The following SLC22A3 variants were observed in gnomAD, a reference collection of about 807,000 sequenced individuals.
The protein encoded by SLC22A3 is solute carrier family 22 member 3.
Under a neutral mutation model 59.1 loss-of-function variants are expected in SLC22A3, and 51 were observed. The observed-to-expected ratio is 0.86, with a 90% CI of 0.69 to 1.09. SLC22A3 has a LOEUF of 1.09. Ranked by LOEUF, SLC22A3 falls within the 50% of genes least tolerant of loss-of-function variation. The probability of loss-of-function intolerance (pLI) is 0.00; values close to 1 mark genes in which losing one functional copy is unlikely to be tolerated. For synonymous variants in SLC22A3, 325 were observed against 292.0 expected, an observed-to-expected ratio of 1.11 and a Z score of -1.15; for missense variants, 711 against 726.3, an observed-to-expected ratio of 0.98 and a Z score of 0.24.
At chr6:160,434,465 C>T (rs920751697) in intron 5 of SLC22A3, among the ~76,000 whole-genome samples, 33 of 152,126 alleles carry the variant, frequency 2.2e-4, no homozygotes, top group Admixed American at 2.2e-3. Flanking sequence ...CCTTGTTTTC[C>T]TTATTTATAG....
At chr6:160,435,653 G>A (rs1788310809) in intron 5 of SLC22A3, among the ~76,000 whole-genome samples, 1 of 152,204 alleles carries the variant, frequency 6.6e-6, no homozygotes, top group South Asian at 2.1e-4. Context: ...ATTACTGGTA[G>A]AGAGACTTTA....
Position 160,385,047 on chromosome 6 carries a change from C to G in SLC22A3, c.430-12932C>G, listed in dbSNP as rs893363397. 5.3e-5 allele frequency among the ~76,000 whole-genome samples: 8 copies of G among 152,340 alleles called. No homozygotes were observed. In the East Asian group the frequency reaches 1.5e-3, roughly 29 times the overall value. ...TGCCTCCCAGTGTTCTTAAGTTCAG[C>G]AGTTATAATTTTCATCTCCAATGAT... is the stretch of plus-strand genomic sequence containing the variant. On this transcript the variant is annotated intron_variant, in intron 1 of 10. Coordinates refer to ENST00000275300, the MANE Select transcript of SLC22A3 (RefSeq NM_021977.4).
chr6:160,351,711 T>C (rs1784666107), intron 1 of SLC22A3, among the ~76,000 whole-genome samples: 1 of 152,196 alleles, frequency 6.6e-6, no homozygotes, highest in African/African-American at 2.4e-5. Context: ...TTGGGAGAGT[T>C]TACAAAGTGG....
chr6:160,355,240 G>A (rs1196793539), intron 1 of SLC22A3, among the ~76,000 whole-genome samples: 4 of 152,170 alleles, frequency 2.6e-5, no homozygotes, highest in Admixed American at 1.3e-4. Context: ...ACGAGGCTGT[G>A]GGCACCTGAC....
chr6:160,410,893 T>C (rs768631810), intron 5 of SLC22A3, 47 bp downstream of exon 5: 9 of 1,138,566 alleles, frequency 7.9e-6, no homozygotes, highest in African/African-American at 3.0e-5. Context: ...AGCTGGTGAA[T>C]TGATTTTGTT....
chr6:160,443,474 G>A (rs62440429), intron 8 of SLC22A3, among the ~76,000 whole-genome samples, 156 bp from the exon 9 acceptor site: 1 of 152,224 alleles, frequency 6.6e-6, no homozygotes, highest in African/African-American at 2.4e-5. Flanking sequence ...GAATGGAAAT[G>A]TTTTGCTTAG....
At chr6:160,348,982 C>G in intron 1 of SLC22A3, 134 bp downstream of exon 1, 1 of 1,512,482 alleles carries the variant, frequency 6.6e-7, no homozygotes, top group Non-Finnish European at 8.8e-7. Context: ...CCTCTGGGGA[C>G]AGACAGGATT....
chr6:160,441,607 CTTTTT>C (rs3066987), intron 7 of SLC22A3, among the ~76,000 whole-genome samples: 5 of 136,600 alleles, frequency 3.7e-5, no homozygotes, highest in Non-Finnish European at 6.2e-5. Context: ...TGAATTTTAG[CTTTTT>C]TTTTTTTTTT....
intron 5 of SLC22A3, among the ~76,000 whole-genome samples, chr6:160,422,982 T>G (rs931573214): frequency 1.3e-5 from 2 of 151,886 alleles, no homozygotes. Context: ...CCCTGCCCCC[T>G]TCCCCCACCC....
chr6:160,407,019 T>C lies in SLC22A3; in HGVS notation c.534-22T>C, dbSNP rs746583594. On this transcript the variant is annotated intron_variant, in intron 2 of 10. Transcript: ENST00000275300. ...TGAAGAAAATGTTTAAGGTGAGCTC[T>C]TTTCCTGTCTTTCTCAAAAAGGTAT... is the stretch of plus-strand genomic sequence containing the variant. 14 of 1,612,646 alleles carry C rather than the reference T, an allele frequency of 8.7e-6. 1 individual carries two copies. The Middle Eastern group carries it at 5.1e-4, about 58-fold the overall frequency.
At chr6:160,384,585 A>C (rs1785925314) in intron 1 of SLC22A3, among the ~76,000 whole-genome samples, 1 of 152,126 alleles carries the variant, frequency 6.6e-6, no homozygotes, top group African/African-American at 2.4e-5. Flanking sequence ...GTGGGGCTGA[A>C]CACAAGAGAA....
At chr6:160,349,378 A>G (rs961122570) in intron 1 of SLC22A3, among the ~76,000 whole-genome samples, 1 of 152,244 alleles carries the variant, frequency 6.6e-6, no homozygotes, top group Non-Finnish European at 1.5e-5. Context: ...CAAGGGGACA[A>G]AGGTCGAGGC....
chr6:160,364,685 A>G (rs1785143361), intron 1 of SLC22A3, among the ~76,000 whole-genome samples: 1 of 152,168 alleles, frequency 6.6e-6, no homozygotes, highest in Non-Finnish European at 1.5e-5. Flanking sequence ...ACTCTCTGAA[A>G]AGAGGGGGCT....
intron 5 of SLC22A3, chr6:160,426,391 G>A: frequency 2.1e-6 from 2 of 972,206 alleles, no homozygotes; most frequent in Non-Finnish European, 2.4e-6. Flanking sequence ...GCATGGCTCA[G>A]GCATCATTGG....
chr6:160,449,463 C>A (rs138727065), intron 10 of SLC22A3, among the ~76,000 whole-genome samples: 1 of 152,162 alleles, frequency 6.6e-6, no homozygotes, highest in African/African-American at 2.4e-5. Flanking sequence ...GTATGGTTTA[C>A]AGTGCTACAA....
intron 1 of SLC22A3, among the ~76,000 whole-genome samples, chr6:160,382,071 A>G (rs1351621431): frequency 2.0e-5 from 3 of 152,228 alleles, no homozygotes; most frequent in African/African-American, 7.2e-5. Context: ...GTATTGTATT[A>G]TATTACAAGA....
At chr6:160,357,156 C>T (rs1275990387) in intron 1 of SLC22A3, among the ~76,000 whole-genome samples, 1 of 152,112 alleles carries the variant, frequency 6.6e-6, no homozygotes, top group Non-Finnish European at 1.5e-5. Flanking sequence ...CAAGCCTGGA[C>T]CTGAGAAACA....
chr6:160,388,967 A>G (rs1286568555), intron 1 of SLC22A3, among the ~76,000 whole-genome samples: 2 of 152,206 alleles, frequency 1.3e-5, no homozygotes, highest in Non-Finnish European at 2.9e-5. Context: ...TAGGAAATGC[A>G]ATAATCCAGA....
At chr6:160,438,252 T>C (rs1018716840) in intron 7 of SLC22A3, among the ~76,000 whole-genome samples, 2 of 152,006 alleles carry the variant, frequency 1.3e-5, no homozygotes, top group African/African-American at 4.8e-5. Flanking sequence ...ATCCTTACCC[T>C]AGAACACACC....
Sources: gnomAD v4.1 joint callset for allele counts (sites outside exome capture counted in the v4.1 genomes callset) on GRCh38, gnomAD v4.1.1 for gene constraint, MANE v1.5 for transcripts, NCBI Gene and HGNC (gene_info 2026-07-23, HGNC 2026-07-21) for gene names.